MCTP2: variants seen among roughly 807,000 people sequenced by gnomAD.
MCTP2 encodes multiple C2 and transmembrane domain-containing protein 2.
A neutral mutation model predicts 111.6 loss-of-function variants in MCTP2; 132 were observed. The ratio of observed to expected loss-of-function variants is 1.18; its 90% confidence interval spans 1.03 to 1.37. The LOEUF is 1.37. Among genes scored for constraint, MCTP2 ranks in the 40% most tolerant of loss-of-function variants. The pLI, the probability that MCTP2 is intolerant of heterozygous loss-of-function variation, is 0.00. For synonymous variants in MCTP2, 395 were observed against 387.7 expected (o/e 1.02, Z -0.22); for missense variants, 1,183 against 1,067.9 (o/e 1.11, Z -1.50).
intron 19 of MCTP2, among the ~76,000 whole-genome samples, chr15:94,451,767 C>T (rs1033584905): frequency 2.0e-5 from 3 of 152,168 alleles, no homozygotes; most frequent in Admixed American, 6.5e-5. Flanking sequence ...GAACTGCAGA[C>T]GATCTTTCAT....
chr15:94,247,514 A>G (rs1056827617), intron 1 of MCTP2, among the ~76,000 whole-genome samples: 2 of 152,062 alleles, frequency 1.3e-5, no homozygotes, highest in African/African-American at 4.8e-5. Flanking sequence ...CAGGGGCTTC[A>G]TTGTCAACCT....
intron 1 of MCTP2, among the ~76,000 whole-genome samples, chr15:94,236,025 C>T (rs1179571234): frequency 1.3e-5 from 2 of 152,208 alleles, no homozygotes; most frequent in Non-Finnish European, 2.9e-5. Flanking sequence ...TTTAAAATTT[C>T]ATGAGTGAAT....
chr15:94,328,865 A>G (rs11636108), intron 4 of MCTP2, among the ~76,000 whole-genome samples: 27,758 of 152,172 alleles, frequency 0.18, 3,023 homozygotes, highest in East Asian at 0.31. Flanking sequence ...TTGGGGTCCT[A>G]TCTTTGGAAG....
At chr15:94,359,091 GAC>G (rs1419928978) in intron 10 of MCTP2, among the ~76,000 whole-genome samples, 1 of 152,088 alleles carries the variant, frequency 6.6e-6, no homozygotes, top group African/African-American at 2.4e-5. Context: ...TCTCAACTGA[GAC>G]ACTCACATGT....
intron 8 of MCTP2, among the ~76,000 whole-genome samples, chr15:94,345,935 G>A (rs986221757): frequency 6.6e-6 from 1 of 152,090 alleles, no homozygotes; most frequent in Non-Finnish European, 1.5e-5. Flanking sequence ...TGGTGGTGGT[G>A]TGTGTGATCG....
At chr15:94,268,416 T>C (rs2073713360) in intron 1 of MCTP2, among the ~76,000 whole-genome samples, 1 of 151,060 alleles carries the variant, frequency 6.6e-6, no homozygotes, top group African/African-American at 2.4e-5. Context: ...AGTCTTGAAC[T>C]CCCGACCTCA....
intron 14 of MCTP2, among the ~76,000 whole-genome samples, chr15:94,396,448 G>T (rs186144575): frequency 1.3e-5 from 2 of 152,164 alleles, no homozygotes; most frequent in African/African-American, 2.4e-5. Flanking sequence ...AATTGTGTGT[G>T]TGTGTATATA....
chr15:94,255,804 A>G (rs2072727616), intron 1 of MCTP2, among the ~76,000 whole-genome samples: 1 of 152,198 alleles, frequency 6.6e-6, no homozygotes, highest in South Asian at 2.1e-4. Flanking sequence ...AGAGCTAGGA[A>G]AGTTGGTAGG....
chr15:94,444,174 T>C (rs1266625743), intron 19 of MCTP2, among the ~76,000 whole-genome samples: 1 of 152,132 alleles, frequency 6.6e-6, no homozygotes, highest in Non-Finnish European at 1.5e-5. Flanking sequence ...TATTTTCTTA[T>C]ATTTACTGAT....
intron 17 of MCTP2, among the ~76,000 whole-genome samples, chr15:94,405,461 C>T (rs1009779479): frequency 6.6e-6 from 1 of 152,172 alleles, no homozygotes; most frequent in Non-Finnish European, 1.5e-5. Context: ...AAAGCAGGCT[C>T]TTAAGATCTA....
intron 20 of MCTP2, among the ~76,000 whole-genome samples, chr15:94,461,538 T>G (rs2085208190): frequency 6.6e-6 from 1 of 152,154 alleles, no homozygotes; most frequent in South Asian, 2.1e-4. Flanking sequence ...GAGTGAAGCA[T>G]ATCATGTGTT....
intron 20 of MCTP2, among the ~76,000 whole-genome samples, chr15:94,469,860 A>G (rs2073764142): frequency 6.6e-6 from 1 of 151,786 alleles, no homozygotes; most frequent in South Asian, 2.1e-4. Context: ...TAACAGCAAG[A>G]TCCTGTCTCA....
intron 1 of MCTP2, among the ~76,000 whole-genome samples, chr15:94,241,358 A>C (rs2070940107): frequency 6.6e-6 from 1 of 152,154 alleles, no homozygotes; most frequent in Non-Finnish European, 1.5e-5. Flanking sequence ...TATGAATGGT[A>C]ATTTTGTATT....
At chr15:94,417,422 A>G (rs17662596) in intron 17 of MCTP2, among the ~76,000 whole-genome samples, 24,057 of 152,074 alleles carry the variant, frequency 0.16, 1,958 homozygotes, top group East Asian at 0.27. Flanking sequence ...TTTGAATGTA[A>G]CAGGTCAAAA....
chr15:94,268,016 C>G (rs1260852196), intron 1 of MCTP2, among the ~76,000 whole-genome samples: 2 of 150,696 alleles, frequency 1.3e-5, no homozygotes, highest in Non-Finnish European at 3.0e-5. Flanking sequence ...CAGGTGCCCG[C>G]CACCACACCT....
chr15:94,236,480 G>A (rs529693096), intron 1 of MCTP2, among the ~76,000 whole-genome samples: 6 of 147,760 alleles, frequency 4.1e-5, no homozygotes, highest in South Asian at 2.1e-4. Context: ...GTGCGAGTGC[G>A]TAGAGTGATG....
intron 17 of MCTP2, among the ~76,000 whole-genome samples, chr15:94,429,002 G>C (rs1264024595): frequency 6.6e-6 from 1 of 151,996 alleles, no homozygotes; most frequent in African/African-American, 2.4e-5. Flanking sequence ...CACTCTTCTA[G>C]ACAATTTCAT....
chr15:94,246,927 A>G (rs531455297), intron 1 of MCTP2, among the ~76,000 whole-genome samples: 1 of 152,344 alleles, frequency 6.6e-6, no homozygotes, highest in East Asian at 1.9e-4. Flanking sequence ...CCTTATAAAT[A>G]CTAATGAGTG....
intron 2 of MCTP2, among the ~76,000 whole-genome samples, chr15:94,306,155 G>A (rs895855002): frequency 1.3e-5 from 2 of 152,152 alleles, no homozygotes; most frequent in Non-Finnish European, 2.9e-5. Context: ...GGTCAGGAAA[G>A]GCTTGAAGAG....
Sources: allele counts gnomAD v4.1 joint callset (sites outside exome capture counted in the v4.1 genomes callset), GRCh38; gene constraint gnomAD v4.1.1; transcripts MANE v1.5; gene names NCBI Gene and HGNC (gene_info 2026-07-23, HGNC 2026-07-21).